The following FRYL variants were observed in gnomAD, a reference collection of about 807,000 sequenced individuals.
FRYL encodes the protein protein furry homolog-like.
FRYL carries 150 observed loss-of-function variants against 351.2 expected under a neutral mutation model. The observed-to-expected ratio is 0.43, with a 90% CI of 0.37 to 0.49. FRYL has a LOEUF of 0.49. Ranked by LOEUF, FRYL falls within the 20% of genes least tolerant of loss-of-function variation. The pLI is 0.00. For missense variants in FRYL, 3,036 were observed against 3,619.3 expected (o/e 0.84, Z 4.13); for synonymous variants, 1,153 against 1,257.1 (o/e 0.92, Z 1.75).
intron 1 of FRYL, among the ~76,000 whole-genome samples, chr4:48,731,316 T>G (rs1453249475): frequency 1.3e-5 from 2 of 152,174 alleles, no homozygotes; most frequent in Non-Finnish European, 2.9e-5. Flanking sequence ...CATTCGACGC[T>G]CATGGATAGG....
chr4:48,726,702 ACAAAAAACTT>A (rs1367008703), intron 1 of FRYL, among the ~76,000 whole-genome samples: 1 of 151,964 alleles, frequency 6.6e-6, no homozygotes, highest in East Asian at 1.9e-4. Context: ...AAACAAACAA[ACAAAAAACTT>A]CCACAGATGC....
chr4:48,503,346 C>CTT (rs1720147628), intron 60 of FRYL, among the ~76,000 whole-genome samples: 2 of 152,172 alleles, frequency 1.3e-5, no homozygotes, highest in Admixed American at 1.3e-4. Flanking sequence ...TCATTCCAGG[C>CTT]TTCCTATCCT....
Position 48,549,741 on chromosome 4 carries a change from C to T in FRYL, c.4634-118G>A. ...GGAAAGTGATAAAAAAAATTTCCCA[C>T]TATTTCAACATGTTTGCTAGGAAAA... is the stretch of plus-strand genomic sequence containing the variant. On this transcript the variant is annotated intron_variant, in intron 38 of 63. Transcript: ENST00000358350. The surrounding 1 kb of genome is among the most constrained non-coding windows in gnomAD (Gnocchi z 4.2). 1 of 775,754 alleles carries T rather than the reference C, an allele frequency of 1.3e-6. No homozygotes were observed. Among genetic ancestry groups the T allele is most frequent in the Non-Finnish European group, 2.0e-6 (1 of 507,276 alleles). The allele number at this position is 775,754 out of a possible 1,614,324, so 48.1% of individuals were successfully genotyped here. A position where few individuals can be genotyped will look rare whatever the true frequency, so the allele number is the denominator to read the frequency against.
intron 42 of FRYL, 119 bp from the exon 43 acceptor site, chr4:48,545,023 C>A: frequency 1.0e-6 from 1 of 982,390 alleles, no homozygotes. Context: ...ATAAATAGGT[C>A]ACAGTCTACT....
At chr4:48,529,452 G>A (rs1727041403) in intron 50 of FRYL, among the ~76,000 whole-genome samples, 1 of 152,044 alleles carries the variant, frequency 6.6e-6, no homozygotes, top group South Asian at 2.1e-4. Flanking sequence ...AATAACGATC[G>A]ATTTCTGAAT....
At chr4:48,677,452 C>T (rs1763896897) in intron 3 of FRYL, among the ~76,000 whole-genome samples, 1 of 151,838 alleles carries the variant, frequency 6.6e-6, no homozygotes, top group Admixed American at 6.6e-5. Context: ...TCTCTGTTGC[C>T]CAGGCTGGAA....
Position 48,586,608 on chromosome 4 carries a change from A to T in FRYL, c.1748+13T>A. ...GACATAAAACAATATAGCAAACAGT[A>T]ATTCTCATTTACCTTGCTAACAATT... On this transcript the variant is annotated intron_variant, in intron 19 of 63. Transcript: ENST00000358350. 1.3e-6 allele frequency: 2 copies of T among 1,539,362 alleles called. No individual in the cohort carries two copies. Among genetic ancestry groups the T allele is most frequent in the Non-Finnish European group, 1.8e-6 (2 of 1,112,834 alleles).
At chr4:48,654,624 A>C (rs1303415944) in intron 3 of FRYL, among the ~76,000 whole-genome samples, 1 of 152,226 alleles carries the variant, frequency 6.6e-6, no homozygotes, top group African/African-American at 2.4e-5. Flanking sequence ...TAACTCTATT[A>C]TAATAATGGG....
chr4:48,566,116 A>AT lies in FRYL; in HGVS notation c.3170-426dup, dbSNP rs1297618999. Among the ~76,000 whole-genome samples, 285 of 147,334 alleles carry AT rather than the reference A, an allele frequency of 1.9e-3. 1 individual carries two copies. The highest frequency in any genetic ancestry group is 5.0e-3 in the African/African-American group (200 of 40,386). ...CGAGATACGTGTTTTCAAACTTTCT[A>AT]TTTTTTTTTTTCAGCAGGAAAGCTG... On this transcript the variant is annotated intron_variant, in intron 28 of 63. Coordinates refer to ENST00000358350, the MANE Select transcript of FRYL (RefSeq NM_015030.2).
rs761240847 is a variant in FRYL at position 48,576,110 on chromosome 4, T to G, written c.2641A>C (p.Thr881Pro). 2 of 1,613,960 alleles carry G rather than the reference T, an allele frequency of 1.2e-6. No individual in the cohort carries two copies. Among genetic ancestry groups the G allele is most frequent in the South Asian group, 2.2e-5 (2 of 91,070 alleles). The change falls in exon 24 of 64, where the codon ACA becomes CCA. Residue 881 changes from threonine (T) to proline (P), a missense_variant. By Grantham distance (38) the Thr-to-Pro change is conservative (BLOSUM62 -1). This residue lies in a region of FRYL where 492 missense variants were observed against 551.5 expected (regional missense o/e 0.89). Coordinates refer to ENST00000358350, the MANE Select transcript of FRYL (RefSeq NM_015030.2). ...GAACATCTCACAGAACCTGCAGATGTGGAAGATGACGATGTTGCTGCACTG... is the reference window on the plus strand; with the variant it reads ...GAACATCTCACAGAACCTGCAGATGGGGAAGATGACGATGTTGCTGCACTG... ...CCSAATSSSSTSAGSVRCSPP... is the reference protein window; with the variant it reads ...CCSAATSSSSPSAGSVRCSPP...
At chr4:48,652,911 C>T (rs1236534122) in intron 3 of FRYL, among the ~76,000 whole-genome samples, 1 of 152,140 alleles carries the variant, frequency 6.6e-6, no homozygotes, top group Non-Finnish European at 1.5e-5. Flanking sequence ...CACAATTTTT[C>T]TATACTTCAA....
At chr4:48,557,735 G>A in intron 33 of FRYL, 23 bp from the exon 34 acceptor site, 2 of 1,609,462 alleles carry the variant, frequency 1.2e-6, no homozygotes, top group South Asian at 1.1e-5. Context: ...ACAAGTCAAA[G>A]ATAACTGATG....
intron 1 of FRYL, among the ~76,000 whole-genome samples, chr4:48,771,361 A>G (rs1375274150): frequency 6.6e-6 from 1 of 152,218 alleles, no homozygotes; most frequent in African/African-American, 2.4e-5. Context: ...ACATCTGGCT[A>G]TTTTACAAGC....
intron 2 of FRYL, among the ~76,000 whole-genome samples, chr4:48,693,287 T>C (rs1222799807): frequency 6.6e-6 from 1 of 152,242 alleles, no homozygotes; most frequent in Non-Finnish European, 1.5e-5. Context: ...AAAAAGGTTT[T>C]TAAGATTCTT....
At chr4:48,649,501 A>G (rs934161958) in intron 3 of FRYL, among the ~76,000 whole-genome samples, 1 of 152,244 alleles carries the variant, frequency 6.6e-6, no homozygotes, top group African/African-American at 2.4e-5. Flanking sequence ...TTATATGGAC[A>G]GCAAATGCAT....
intron 2 of FRYL, among the ~76,000 whole-genome samples, chr4:48,708,001 T>C (rs1263926885): frequency 5.3e-5 from 8 of 151,734 alleles, no homozygotes; most frequent in Non-Finnish European, 1.2e-4. Flanking sequence ...TTTGCATTTT[T>C]AGTAGAGAGG....
intron 47 of FRYL, among the ~76,000 whole-genome samples, chr4:48,538,797 T>C (rs1311642587): frequency 2.0e-5 from 3 of 152,216 alleles, no homozygotes; most frequent in Admixed American, 6.5e-5. Context: ...GTTCACCAAA[T>C]TTCCTATTAC....
At chr4:48,592,114 A>ATATATATATATATT (rs1272210127) in intron 16 of FRYL, among the ~76,000 whole-genome samples, 7 of 136,948 alleles carry the variant, frequency 5.1e-5, no homozygotes, top group African/African-American at 1.5e-4. Context: ...ATATATATAT[A>ATATATATATATATT]TTTTATCTAA....
rs575876492 is a variant in FRYL at position 48,534,886 on chromosome 4, C to T, written c.6565-201G>A. 1.2e-3 allele frequency among the ~76,000 whole-genome samples: 188 copies of T among 152,192 alleles called. 1 individual carries two copies. The highest frequency in any genetic ancestry group is 4.2e-3 in the African/African-American group (175 of 41,544). On this transcript the variant is annotated intron_variant, in intron 48 of 63. Transcript: ENST00000358350. The stretch of plus-strand genomic sequence containing the variant: ...CCTTGGTTCAGAAAGGAGAATTAGA[C>T]GATAACTTTTCATCTAAATCATGGT...
Sources: gnomAD v4.1 joint callset for allele counts (sites outside exome capture counted in the v4.1 genomes callset) on GRCh38, gnomAD v4.1.1 for gene constraint, gnomAD v4.1.1 regional missense constraint, Gnocchi (gnomAD v3.1) non-coding constraint, MANE v1.5 for transcripts, NCBI Gene and HGNC (gene_info 2026-07-23, HGNC 2026-07-21) for gene names.